The following CD36 variants were observed in gnomAD, a reference collection of about 807,000 sequenced individuals.
CD36 encodes platelet glycoprotein 4.
Under a neutral mutation model 55.2 loss-of-function variants are expected in CD36, and 119 were observed. That is an observed-to-expected ratio of 2.15 (90% CI 1.86 to 2.51). The LOEUF (loss-of-function observed/expected upper bound fraction) is 2.51, where lower values mean the gene tolerates loss of function less well. Among genes scored for constraint, CD36 ranks in the 30% most tolerant of loss-of-function variants. CD36 has a pLI of 0.00. For synonymous variants in CD36, 186 were observed against 193.6 expected, an observed-to-expected ratio of 0.96 and a Z score of 0.33; for missense variants, 819 against 555.5, an observed-to-expected ratio of 1.47 and a Z score of -4.77.
At position 80,621,451 on chromosome 7, in the gene CD36, A is replaced by T. The variant is rs1489418369; in HGVS notation, c.-184+19072A>T. Among the ~76,000 whole-genome samples, 4 of 152,320 alleles carry T rather than the reference A, an allele frequency of 2.6e-5. No homozygotes were observed. In the East Asian group the frequency reaches 7.7e-4, roughly 29 times the overall value. ...ATTTATAGAATGCTTTGGGACAAAT[A>T]ATACATGGAAGCATTTAACATGATA... On this transcript the variant is annotated intron_variant, in intron 1 of 13. Transcript: ENST00000309881.
At chr7:80,656,304 C>T (rs1030790314) in intron 3 of CD36, among the ~76,000 whole-genome samples, 1 of 152,100 alleles carries the variant, frequency 6.6e-6, no homozygotes, top group Non-Finnish European at 1.5e-5. Context: ...AATCAACAGT[C>T]GTGTCTTCAG....
At position 80,671,942 on chromosome 7, in the gene CD36, C is replaced by T; in HGVS notation, c.1027C>T (p.Leu343Phe). The change falls in exon 11 of 15, where the codon CTT becomes TTT. Residue 343 changes from leucine (L) to phenylalanine (F), a missense_variant. Coordinates refer to ENST00000447544, the MANE Select transcript of CD36 (RefSeq NM_001001548.3). ...CKEGRPVYIS[L>F]PHFLYASPDV... Reference sequence around the variant, plus strand: ...TTCAGGGAGACCTGTGTACATTTCACTTCCTCATTTTCTGTATGCAAGTCC... The same window carrying T: ...TTCAGGGAGACCTGTGTACATTTCATTTCCTCATTTTCTGTATGCAAGTCC... 2 of 1,611,422 alleles carry T rather than the reference C, an allele frequency of 1.2e-6. No homozygotes were observed. Among genetic ancestry groups the T allele is most frequent in the Non-Finnish European group, 1.7e-6 (2 of 1,178,144 alleles).
At chr7:80,610,724 G>T (rs1233504677) in intron 1 of CD36, among the ~76,000 whole-genome samples, 1 of 151,792 alleles carries the variant, frequency 6.6e-6, no homozygotes, top group South Asian at 2.1e-4. Flanking sequence ...ACAGGCGCCC[G>T]CCACCACGCC....
At chr7:80,675,761 G>C (rs924184290) in intron 14 of CD36, among the ~76,000 whole-genome samples, 17 of 152,122 alleles carry the variant, frequency 1.1e-4, no homozygotes, top group African/African-American at 3.9e-4. Context: ...TAAGAAGACA[G>C]GTATGTAAGA....
chr7:80,670,654 G>A (rs990835567), intron 9 of CD36: 10 of 324,438 alleles, frequency 3.1e-5, no homozygotes, highest in South Asian at 1.0e-4. Flanking sequence ...TAATTAAGCC[G>A]TGAAAGAAAC....
chr7:80,631,259 G>T (rs1399342238), intron 1 of CD36, among the ~76,000 whole-genome samples: 2 of 151,992 alleles, frequency 1.3e-5, no homozygotes, highest in Non-Finnish European at 2.9e-5. Context: ...GTCCTTCGTT[G>T]TTTGCTGGAG....
intron 4 of CD36, among the ~76,000 whole-genome samples, chr7:80,657,333 C>CT (rs2116592918): frequency 6.6e-6 from 1 of 152,304 alleles, no homozygotes; most frequent in African/African-American, 2.4e-5. Flanking sequence ...GGTACCTACT[C>CT]AAGATTTATA....
chr7:80,625,783 T>C lies in CD36; in HGVS notation c.-183-20305T>C, dbSNP rs1467383991. Among the ~76,000 whole-genome samples the C allele has an allele frequency of 2.0e-5, 3 of 152,272 alleles. No individual in the cohort carries two copies. In the East Asian group the frequency reaches 5.8e-4, roughly 29 times the overall value. On this transcript the variant is annotated intron_variant, in intron 1 of 13. Coordinates refer to the CD36 transcript ENST00000309881. ...AAGGCAAGGAATTTATGAAGGCTAG[T>C]ATTATGTAAATGACTGTCTCTAAAG...
chr7:80,634,175 A>G (rs1794249930), upstream of CD36, among the ~76,000 whole-genome samples: 1 of 152,078 alleles, frequency 6.6e-6, no homozygotes, highest in South Asian at 2.1e-4. Context: ...AGAGCCTAGT[A>G]AGGAGAGATG....
intron 8 of CD36, 48 bp from the exon 9 acceptor site, chr7:80,669,905 C>G (rs1307911938): frequency 2.3e-6 from 3 of 1,322,916 alleles, no homozygotes; most frequent in East Asian, 2.3e-5. Context: ...AGGTTTTTTT[C>G]TAGAACACAC....
At chr7:80,675,546 C>G (rs764604455) in intron 14 of CD36, among the ~76,000 whole-genome samples, 2 of 151,788 alleles carry the variant, frequency 1.3e-5, no homozygotes, top group Non-Finnish European at 2.9e-5. Flanking sequence ...ACTTTGTCAA[C>G]AAATATATTA....
chr7:80,656,395 G>A (rs1341692376), intron 3 of CD36, 145 bp from the exon 4 acceptor site: 8 of 663,280 alleles, frequency 1.2e-5, no homozygotes, highest in East Asian at 1.1e-4. Context: ...TGCTGCAAGT[G>A]TATGGTAAGG....
rs1015438382 is a variant in CD36, at chr7:80,661,081, G to A, written c.300G>A (p.Lys100=). 1 of 1,613,852 alleles carries A rather than the reference G, an allele frequency of 6.2e-7. No homozygotes were observed. Among genetic ancestry groups the A allele is most frequent in the Non-Finnish European group, 8.5e-7 (1 of 1,179,768 alleles). ...TCTTTAGAGTTCGTTTTCTAGCCAA[G>A]GAAAATGTAACCCAGGACGCTGAGG... ...PYTYRVRFLA[K]ENVTQDAEDN... Residue 100 remains lysine (K), a synonymous_variant, in exon 5 of 15, where the codon AAG becomes AAA. Coordinates refer to ENST00000447544, the MANE Select transcript of CD36 (RefSeq NM_001001548.3).
chr7:80,677,975 TAA>T lies in CD36; in HGVS notation c.*1593_*1594del, dbSNP rs1798212920. ...TTTCTCAAATTCTGTAAAAGGAATATAAGAGGAAAGACAATTCATATACAAAG... is the reference window on the plus strand; with the variant it reads ...TTTCTCAAATTCTGTAAAAGGAATATGAGGAAAGACAATTCATATACAAAG... On this transcript the variant is annotated 3_prime_UTR_variant, in exon 15 of 15. Coordinates refer to ENST00000447544, the MANE Select transcript of CD36 (RefSeq NM_001001548.3). 1 of 152,136 alleles carries T rather than the reference TAA, an allele frequency of 6.6e-6. No individual in the cohort carries two copies. Among genetic ancestry groups the T allele is most frequent in the Non-Finnish European group, 1.5e-5 (1 of 68,020 alleles). The allele number at this position is 152,136 out of a possible 1,614,324, so 9.4% of individuals were successfully genotyped here.
chr7:80,655,252 G>A (rs997526546), intron 3 of CD36, among the ~76,000 whole-genome samples: 7 of 152,080 alleles, frequency 4.6e-5, no homozygotes, highest in South Asian at 2.1e-4. Context: ...TAGAAATACC[G>A]CCTGCTTCAA....
rs752499826 is a variant in CD36, at chr7:80,673,379, CTATATTGTGCCTAT to C, written c.1226_1239del (p.Tyr409SerfsTer4). ...GAGTATTAAAGAATCTGAAGAGGAA[CTATATTGTGCCTAT>C]TCTTTGGCTTAATGAGGTTTGTATT... On this transcript the variant is annotated frameshift_variant, in exon 13 of 15. Transcript: ENST00000447544. LOFTEE classifies it high-confidence loss of function. The C allele has an allele frequency of 3.2e-6, 5 of 1,561,050 alleles. No individual in the cohort carries two copies. In the East Asian group the frequency reaches 1.1e-4, roughly 35 times the overall value.
chr7:80,612,820 T>TTA (rs1164983351), intron 1 of CD36, among the ~76,000 whole-genome samples: 1 of 152,146 alleles, frequency 6.6e-6, no homozygotes, highest in Non-Finnish European at 1.5e-5. Flanking sequence ...AACATGTGTG[T>TTA]TATATCACAT....
chr7:80,619,638 C>A (rs926093235), intron 1 of CD36, among the ~76,000 whole-genome samples: 3 of 125,586 alleles, frequency 2.4e-5, no homozygotes, highest in African/African-American at 9.2e-5. Context: ...CAGAGTAAGA[C>A]TCTGTCTCAA....
chr7:80,662,008 A>G (rs1796571339), intron 5 of CD36, among the ~76,000 whole-genome samples: 1 of 152,150 alleles, frequency 6.6e-6, no homozygotes, highest in Admixed American at 6.5e-5. Flanking sequence ...ATGAAGTACA[A>G]TTTCTTCAGC....
Sources: gnomAD v4.1 joint callset for allele counts (sites outside exome capture counted in the v4.1 genomes callset) on GRCh38, gnomAD v4.1.1 for gene constraint, MANE v1.5 for transcripts, NCBI Gene and HGNC (gene_info 2026-07-23, HGNC 2026-07-21) for gene names.